The following CHD7 variants were observed in gnomAD, a reference collection of about 807,000 sequenced individuals.
The protein encoded by CHD7 is chromodomain helicase DNA binding protein 7.
CHD7 carries 24 observed loss-of-function variants against 307.3 expected under a neutral mutation model. That is an observed-to-expected ratio of 0.08 (90% CI 0.06 to 0.11). The LOEUF (loss-of-function observed/expected upper bound fraction) is 0.11, where lower values mean the gene tolerates loss of function less well. Ranked by LOEUF, CHD7 falls within the 10% of genes least tolerant of loss-of-function variation. The pLI, the probability that CHD7 is intolerant of heterozygous loss-of-function variation, is 1.00. For missense variants in CHD7, 3,106 were observed against 3,727.1 expected, an observed-to-expected ratio of 0.83 and a Z score of 4.34; for synonymous variants, 1,363 against 1,349.9, an observed-to-expected ratio of 1.01 and a Z score of -0.21.
At chr8:60,822,257 C>A in intron 11 of CHD7, 112 bp downstream of exon 11, 1 of 926,146 alleles carries the variant, frequency 1.1e-6, no homozygotes, top group Admixed American at 3.1e-5. Context: ...AGAGCTTTTT[C>A]AAAAAACAAG....
At chr8:60,849,816 G>T (rs1420710536) in intron 25 of CHD7, among the ~76,000 whole-genome samples, 2 of 152,208 alleles carry the variant, frequency 1.3e-5, no homozygotes, top group African/African-American at 4.8e-5. Flanking sequence ...GCGGTGTGTT[G>T]TAGTACACAT....
chr8:60,829,317 G>A (rs1338465343), intron 14 of CHD7, among the ~76,000 whole-genome samples: 1 of 152,158 alleles, frequency 6.6e-6, no homozygotes, highest in African/African-American at 2.4e-5. Context: ...AAAAGTGCTT[G>A]GGCCAGGCGC....
intron 3 of CHD7, among the ~76,000 whole-genome samples, chr8:60,791,342 T>C (rs1400404379): frequency 2.0e-5 from 3 of 152,256 alleles, no homozygotes; most frequent in Admixed American, 1.3e-4. Flanking sequence ...GCCATGTGGC[T>C]GTCGGCTTGA....
chr8:60,786,235 C>T (rs147304747), intron 3 of CHD7, among the ~76,000 whole-genome samples: 2,258 of 152,318 alleles, frequency 0.015, 28 homozygotes, highest in Non-Finnish European at 0.022. Context: ...CCATTGTGGC[C>T]CTTCCTCTAT....
At chr8:60,696,668 A>G (rs1399238258) in intron 1 of CHD7, among the ~76,000 whole-genome samples, 1 of 150,964 alleles carries the variant, frequency 6.6e-6, no homozygotes. Context: ...TCTAAATTTT[A>G]TACTGCAAGG....
intron 1 of CHD7, among the ~76,000 whole-genome samples, chr8:60,715,420 T>G (rs1383817212): frequency 6.6e-6 from 1 of 151,504 alleles, no homozygotes; most frequent in Non-Finnish European, 1.5e-5. Flanking sequence ...CCTGCTGGGT[T>G]CAAGGAATTC....
chr8:60,853,292 C>T lies in CHD7; in HGVS notation c.6567C>T (p.Gly2189=), dbSNP rs1563661182. The T allele has an allele frequency of 1.2e-6, 2 of 1,608,968 alleles. No individual in the cohort carries two copies. Among genetic ancestry groups the T allele is most frequent in the Non-Finnish European group, 1.7e-6 (2 of 1,176,900 alleles). The stretch of plus-strand genomic sequence containing the variant: ...CAGCTGCCAAGGAGAAATGTGAGGG[C>T]AAAGAAGAGGAAGAAGAAACCGATG... ...ENPAAKEKCE[G]KEEEEETDGS... is the part of the protein sequence containing the mutation. Residue 2189 remains glycine, a synonymous_variant, in exon 31 of 38, where the codon GGC becomes GGT. Transcript: ENST00000423902.
intron 2 of CHD7, among the ~76,000 whole-genome samples, chr8:60,748,971 T>A (rs1378616734): frequency 4.3e-5 from 5 of 115,234 alleles, no homozygotes; most frequent in African/African-American, 2.1e-4. Context: ...AGTGGTACAA[T>A]TTTTTTTTTT....
intron 37 of CHD7, 32 bp downstream of exon 37, chr8:60,862,684 G>T: frequency 7.0e-7 from 1 of 1,420,376 alleles, no homozygotes; most frequent in Non-Finnish European, 9.7e-7. Flanking sequence ...ATCAAGAAAG[G>T]TAGCTATACA....
At chr8:60,777,155 G>A (rs565528545) in intron 2 of CHD7, among the ~76,000 whole-genome samples, 2 of 152,222 alleles carry the variant, frequency 1.3e-5, no homozygotes, top group Admixed American at 6.5e-5. Context: ...ATTCTGGTCC[G>A]CTTGGTACCA....
At chr8:60,689,669 C>T (rs1233652540) in intron 1 of CHD7, among the ~76,000 whole-genome samples, 2 of 152,162 alleles carry the variant, frequency 1.3e-5, no homozygotes, top group Non-Finnish European at 2.9e-5. Context: ...GGAGAAAAAT[C>T]GAGAGGCTGA....
At position 60,865,217 on chromosome 8, in the gene CHD7, A is replaced by C. The variant is rs1218441285; in HGVS notation, c.8278A>C (p.Asn2760His). The C allele has an allele frequency of 6.2e-7, 1 of 1,608,800 alleles. No homozygotes were observed. Among genetic ancestry groups the C allele is most frequent in the East Asian group, 2.2e-5 (1 of 44,756 alleles). The change falls in exon 38 of 38, where the codon AAT becomes CAT. Residue 2760 changes from asparagine (N) to histidine (H), a missense_variant. Around this residue, in one of 10 missense-constraint regions of CHD7, gnomAD observed 351 missense variants for 366.2 expected, o/e 0.96. Transcript: ENST00000423902. This position sits in a 1 kb window ranked among gnomAD's most constrained non-coding sequence, Gnocchi z 4.3. ...FAGMDLTSLQNLQNLQSLQLA... is the reference protein window; with the variant it reads ...FAGMDLTSLQHLQNLQSLQLA... ...TGGAATGGACCTGACGAGCCTTCAG[A>C]ATCTCCAGAATCTCCAGTCGCTCCA...
At chr8:60,732,251 G>T (rs936483494) in intron 1 of CHD7, among the ~76,000 whole-genome samples, 3 of 152,192 alleles carry the variant, frequency 2.0e-5, no homozygotes, top group African/African-American at 7.2e-5. Flanking sequence ...CAGCTTTCCA[G>T]AAATTTTTTA....
intron 1 of CHD7, among the ~76,000 whole-genome samples, chr8:60,709,625 T>C (rs1807187671): frequency 6.6e-6 from 1 of 152,232 alleles, no homozygotes; most frequent in South Asian, 2.1e-4. Context: ...TTTAAGTTTT[T>C]AAATAGAAAT....
chr8:60,803,056 T>C (rs550884595), intron 6 of CHD7, among the ~76,000 whole-genome samples: 6 of 152,336 alleles, frequency 3.9e-5, no homozygotes, highest in African/African-American at 1.4e-4. Flanking sequence ...ATTTCCCACC[T>C]GCTCAAGTAG....
intron 14 of CHD7, among the ~76,000 whole-genome samples, chr8:60,829,138 C>T (rs1000758114): frequency 6.6e-6 from 1 of 152,168 alleles, no homozygotes. Flanking sequence ...ACGCCACTGA[C>T]GTTGGTAGGC....
At chr8:60,808,026 G>A (rs1812619098) in intron 6 of CHD7, among the ~76,000 whole-genome samples, 191 bp from the exon 7 acceptor site, 1 of 152,248 alleles carries the variant, frequency 6.6e-6, no homozygotes, top group African/African-American at 2.4e-5. Context: ...GCAGAGGTGC[G>A]TGCATGGGCC....
intron 4 of CHD7, among the ~76,000 whole-genome samples, chr8:60,797,515 A>T (rs920701358): frequency 3.9e-5 from 6 of 152,240 alleles, no homozygotes; most frequent in Non-Finnish European, 8.8e-5. Flanking sequence ...GGTGGGATTT[A>T]GCATAAAGTG....
At chr8:60,785,887 A>G (rs1811467507) in intron 3 of CHD7, among the ~76,000 whole-genome samples, 2 of 148,572 alleles carry the variant, frequency 1.3e-5, no homozygotes, top group South Asian at 4.3e-4. Flanking sequence ...GCTATGATTT[A>G]CTCTTGGTGG....
Sources: allele counts gnomAD v4.1 joint callset (sites outside exome capture counted in the v4.1 genomes callset), GRCh38; gene constraint gnomAD v4.1.1; regional missense constraint gnomAD v4.1.1; non-coding constraint Gnocchi (gnomAD v3.1); transcripts MANE v1.5; gene names NCBI Gene and HGNC (gene_info 2026-07-23, HGNC 2026-07-21).